Variants in CES1 observed in about 807,000 individuals in gnomAD.
The protein encoded by CES1 is carboxylesterase 1, also known as liver carboxylesterase 1.
In CES1, 50 loss-of-function variants were observed where a neutral mutation model predicts 53.0. The ratio of observed to expected loss-of-function variants is 0.94; its 90% CI spans 0.75 to 1.19. CES1 has a LOEUF of 1.19. Among genes scored for constraint, CES1 ranks in the 50% most tolerant of loss-of-function variants. The pLI, the probability that CES1 is intolerant of heterozygous loss-of-function variation, is 0.00. For synonymous variants in CES1, 202 were observed against 210.1 expected (o/e 0.96, Z 0.33); for missense variants, 534 against 538.0 (o/e 0.99, Z 0.07).
intron 4 of CES1, among the ~76,000 whole-genome samples, chr16:55,822,872 C>T (rs562144307): frequency 5.9e-5 from 9 of 152,012 alleles, no homozygotes; most frequent in Non-Finnish European, 1.2e-4. Flanking sequence ...AACTGAGTGG[C>T]GTGTTCAGGA....
intron 7 of CES1, among the ~76,000 whole-genome samples, chr16:55,817,758 CTGTG>C (rs370816548): frequency 8.6e-4 from 126 of 145,806 alleles, no homozygotes; most frequent in Non-Finnish European, 1.6e-3. Flanking sequence ...GTGTGTGTGT[CTGTG>C]TGTGTGTGTG....
At chr16:55,819,064 G>A (rs2032063321) in intron 7 of CES1, among the ~76,000 whole-genome samples, 3 of 152,360 alleles carry the variant, frequency 2.0e-5, no homozygotes, top group Admixed American at 2.0e-4. Context: ...CGAATGGGTG[G>A]ATGGATGACT....
chr16:55,809,107 A>AAAAG lies in CES1; in HGVS notation c.1318+1409_1318+1410insCTTT, dbSNP rs2031567648. On this transcript the variant is annotated intron_variant, in intron 11 of 13. Transcript: ENST00000360526. Reference sequence around the variant, plus strand: ...TGTAGTCCTGGCAAAAAAAAAAAAAAAAAAGCCCTGAACTTAAAGTCATGG... The same window carrying AAAAG: ...TGTAGTCCTGGCAAAAAAAAAAAAAAAAAGAAAAGCCCTGAACTTAAAGTCATGG... Among the ~76,000 whole-genome samples, 3 of 149,942 alleles carry AAAAG rather than the reference A, an allele frequency of 2.0e-5. No homozygotes were observed. In the South Asian group the frequency reaches 6.2e-4, roughly 31 times the overall value.
intron 7 of CES1, among the ~76,000 whole-genome samples, chr16:55,818,320 G>A (rs1251176811): frequency 6.6e-6 from 1 of 152,230 alleles, no homozygotes. Flanking sequence ...GGATGGCAGG[G>A]AGCAGGGAAG....
chr16:55,823,936 C>T (rs2032317580), intron 3 of CES1, among the ~76,000 whole-genome samples: 1 of 152,260 alleles, frequency 6.6e-6, no homozygotes, highest in Admixed American at 6.5e-5. Context: ...TGCCTCCTCC[C>T]CGAAAGGCTC....
chr16:55,809,421 A>G lies in CES1; in HGVS notation c.1318+1096T>C, dbSNP rs570231411. Among the ~76,000 whole-genome samples, 27 of 152,350 alleles carry G rather than the reference A, an allele frequency of 1.8e-4. No homozygotes were observed. The South Asian group carries it at 5.2e-3, about 29-fold the overall frequency. On this transcript the variant is annotated intron_variant, in intron 11 of 13. Coordinates refer to ENST00000360526, the MANE Select transcript of CES1 (RefSeq NM_001025195.2). ...TTCTAAATTTAAAAACCCTTCCAGC[A>G]TGGTTAGAGAGAGGACATTTCCTAG...
chr16:55,821,074 AAG>A lies in CES1; in HGVS notation c.693+292_693+293del, dbSNP rs59890072. Among the ~76,000 whole-genome samples the A allele has an allele frequency of 4.3e-4, 64 of 149,784 alleles. No homozygotes were observed. The East Asian group carries it at 7.0e-3, about 16-fold the overall frequency. ...AAAATGAGTGTGAAGGAGAGAGAGAAAGAGAGAGAGAGAGAGAGAGCTCAACC... is the reference window on the plus strand; with the variant it reads ...AAAATGAGTGTGAAGGAGAGAGAGAAAGAGAGAGAGAGAGAGAGCTCAACC... On this transcript the variant is annotated intron_variant, in intron 5 of 13. Coordinates refer to ENST00000360526, the MANE Select transcript of CES1 (RefSeq NM_001025195.2).
At chr16:55,811,700 C>T (rs1257408459) in intron 9 of CES1, among the ~76,000 whole-genome samples, 2 of 152,180 alleles carry the variant, frequency 1.3e-5, no homozygotes, top group Non-Finnish European at 2.9e-5. Flanking sequence ...GCAGCCAGGT[C>T]CCCGAACCCA....
intron 8 of CES1, 143 bp downstream of exon 8, chr16:55,816,781 G>A: frequency 9.6e-7 from 1 of 1,042,990 alleles, no homozygotes; most frequent in Non-Finnish European, 1.5e-6. Context: ...ACCCAGGTGA[G>A]TCACTACCCC....
intron 7 of CES1, 146 bp downstream of exon 7, chr16:55,819,388 AT>A (rs2032077002): frequency 1.4e-6 from 1 of 713,046 alleles, no homozygotes; most frequent in Non-Finnish European, 2.5e-6. Context: ...GCATTTTACA[AT>A]AAAAAAGGAC....
At position 55,810,971 on chromosome 16, in the gene CES1, G is replaced by C. The variant is rs1289487810; in HGVS notation, c.1126C>G (p.Gln376Glu). The part of the protein sequence containing the change: ...SYPLSEGQLD[Q>E]KTAMSLLWKS... Reference sequence around the variant, plus strand: ...CACAGGAGTGACATGGCTGTCTTCTGGTCCAGTTGCCCTTCGGAGAGTGGA... The same window carrying C: ...CACAGGAGTGACATGGCTGTCTTCTCGTCCAGTTGCCCTTCGGAGAGTGGA... The change falls in exon 10 of 14, where the codon CAG (glutamine) becomes GAG (glutamate). Residue 376 changes from glutamine to glutamate, a missense_variant. Physicochemically the swap from Gln to Glu is conservative, Grantham distance 29. Transcript: ENST00000360526. The C allele has an allele frequency of 6.2e-7, 1 of 1,613,570 alleles. No homozygotes were observed. Among genetic ancestry groups the C allele is most frequent in the Admixed American group, 1.7e-5 (1 of 59,990 alleles).
At chr16:55,810,382 T>A (rs2031632356) in intron 11 of CES1, 135 bp downstream of exon 11, 1 of 1,181,334 alleles carries the variant, frequency 8.5e-7, no homozygotes, top group Non-Finnish European at 1.3e-6. Flanking sequence ...CAGCACCTCA[T>A]CCCATGCCAT....
intron 2 of CES1, among the ~76,000 whole-genome samples, chr16:55,826,850 A>G (rs1407539656): frequency 1.3e-5 from 2 of 152,202 alleles, no homozygotes; most frequent in African/African-American, 2.4e-5. Context: ...GATCTCAAGG[A>G]TGCAACATAG....
Position 55,821,384 on chromosome 16 carries a change from T to C in CES1, c.677A>G (p.Glu226Gly), listed in dbSNP as rs543499053. The C allele has an allele frequency of 1.2e-6, 2 of 1,614,178 alleles. No individual in the cohort carries two copies. The highest frequency in any genetic ancestry group is 2.7e-5 in the African/African-American group (2 of 75,018). ...AAAACTCACAAGAACAGAGACACTT[T>C]CTCCTCCCGCTGACTCTCCAAAGAT... is the stretch of plus-strand genomic sequence containing the variant. ...VTIFGESAGG[E>G]SVSVLVLSPL... Residue 226 changes from glutamate (E) to glycine (G), a missense_variant, in exon 5 of 14, where the codon GAA becomes GGA. Glu to Gly is a moderately conservative substitution (Grantham distance 98, BLOSUM62 -2). This residue lies in a region of CES1 where 85 missense variants were observed against 81.9 expected (regional missense o/e 1.04). Transcript: ENST00000360526.
At chr16:55,812,291 G>A (rs76746709) in intron 9 of CES1, 1 of 156,152 alleles carries the variant, frequency 6.4e-6, no homozygotes, top group South Asian at 1.9e-4. Flanking sequence ...TTTGATCATG[G>A]GTAATTTGGG....
At position 55,826,299 on chromosome 16, in the gene CES1, G is replaced by A; in HGVS notation, c.261-4C>T. ...CGCCTTGGGATCTTGGGTGCACCTG[G>A]GGAGGGGGAAAGAAGAACCCCTGAA... On this transcript the variant is annotated splice_polypyrimidine_tract_variant and splice_region_variant and intron_variant, in intron 2 of 13. Transcript: ENST00000360526. 6.2e-7 allele frequency: 1 copy of A among 1,613,934 alleles called. No homozygotes were observed. The highest frequency in any genetic ancestry group is 1.1e-5 in the South Asian group (1 of 91,064).
Position 55,826,242 on chromosome 16 carries a change from C to G in CES1, c.314G>C (p.Arg105Pro), listed in dbSNP as rs201285602. 1 of 1,613,976 alleles carries G rather than the reference C, an allele frequency of 6.2e-7. No individual in the cohort carries two copies. The highest frequency in any genetic ancestry group is 8.5e-7 in the Non-Finnish European group (1 of 1,179,862). Residue 105 changes from arginine to proline, a missense_variant, in exon 3 of 14, where the codon CGA becomes CCA. By Grantham distance (103) the Arg-to-Pro change is moderately radical (BLOSUM62 -2). Coordinates refer to ENST00000360526, the MANE Select transcript of CES1 (RefSeq NM_001025195.2). ...AAGCTTGAGAGGAATGTTCTCCTTT[C>G]GGTTTGTAAATAGCTCTGAGAGTAA... ...GQLLSELFTN[R>P]KENIPLKLSE...
At chr16:55,829,526 T>C (rs1226174590) in intron 1 of CES1, among the ~76,000 whole-genome samples, 1 of 152,118 alleles carries the variant, frequency 6.6e-6, no homozygotes, top group Admixed American at 6.5e-5. Context: ...GAGGACTGAA[T>C]GAGGGGAGAT....
chr16:55,825,749 G>A (rs774127797), intron 3 of CES1, among the ~76,000 whole-genome samples: 6 of 152,158 alleles, frequency 3.9e-5, no homozygotes, highest in African/African-American at 7.2e-5. Flanking sequence ...TCCCTGTCTG[G>A]GCCTCAGTTT....
Sources: gnomAD v4.1 joint callset for allele counts (sites outside exome capture counted in the v4.1 genomes callset) on GRCh38, gnomAD v4.1.1 for gene constraint, gnomAD v4.1.1 regional missense constraint, MANE v1.5 for transcripts, NCBI Gene and HGNC (gene_info 2026-07-23, HGNC 2026-07-21) for gene names.